Variants in BANP observed in about 807,000 individuals in gnomAD.
The protein encoded by BANP is BTG3 associated nuclear protein.
Under a neutral mutation model 68.1 loss-of-function variants are expected in BANP, and 11 were observed. The observed-to-expected ratio is 0.16, with a 90% CI of 0.10 to 0.27. The LOEUF is 0.27. BANP is among the 10% of genes least tolerant of loss of function. The pLI, the probability that BANP is intolerant of heterozygous loss-of-function variation, is 1.00. For missense variants in BANP, 504 were observed against 722.7 expected (o/e 0.70, Z 3.47); for synonymous variants, 329 against 303.2 (o/e 1.09, Z -0.88).
rs980022981 is a variant in BANP, at chr16:88,071,396, G to C, written c.1378-673G>C. 1 of 440,724 alleles carries C rather than the reference G, an allele frequency of 2.3e-6. No homozygotes were observed. The highest frequency in any genetic ancestry group is 4.6e-6 in the Non-Finnish European group (1 of 217,920). The allele number at this position is 440,724 out of a possible 1,614,324, so 27.3% of individuals were successfully genotyped here. A position where few individuals can be genotyped will look rare whatever the true frequency, so the allele number is the denominator to read the frequency against. On this transcript the variant is annotated intron_variant, in intron 12 of 13. Transcript: ENST00000682872. This position sits in a 1 kb window ranked among gnomAD's most constrained non-coding sequence, Gnocchi z 6.5. ...TGGGCCTGGGTGCTTACAGGCGATG[G>C]GGTCACCAGAGCCCACCCAGGGGCC...
intron 11 of BANP, among the ~76,000 whole-genome samples, chr16:88,062,837 AGG>A (rs2087240756): frequency 6.6e-6 from 1 of 152,206 alleles, no homozygotes; most frequent in Non-Finnish European, 1.5e-5. Context: ...CTACCCCTGA[AGG>A]CCTGCATCAG....
intron 1 of BANP, among the ~76,000 whole-genome samples, chr16:87,958,380 G>C (rs1336009802): frequency 6.6e-6 from 1 of 152,222 alleles, no homozygotes; most frequent in African/African-American, 2.4e-5. Flanking sequence ...TATCGACTCA[G>C]GAAACTTGCA....
At chr16:88,014,782 C>T (rs60055759) in intron 6 of BANP, among the ~76,000 whole-genome samples, 2,383 of 152,072 alleles carry the variant, frequency 0.016, 71 homozygotes, top group African/African-American at 0.054. Context: ...TGCTGCCTGC[C>T]TCGGGTCCTC....
intron 1 of BANP, among the ~76,000 whole-genome samples, chr16:87,965,925 C>T (rs12444244): frequency 0.09 from 13,643 of 152,106 alleles, 798 homozygotes; most frequent in Non-Finnish European, 0.13. Context: ...GGGGCTCGTG[C>T]AGTTGGAGCG....
intron 6 of BANP, among the ~76,000 whole-genome samples, chr16:88,010,766 C>G (rs1163601452): frequency 2.0e-5 from 3 of 152,218 alleles, no homozygotes; most frequent in Non-Finnish European, 2.9e-5. Context: ...GAACGTGTAG[C>G]CACGCTATGC....
At chr16:88,011,875 T>A (rs548804524) in intron 6 of BANP, among the ~76,000 whole-genome samples, 7 of 152,244 alleles carry the variant, frequency 4.6e-5, no homozygotes, top group African/African-American at 1.7e-4. Flanking sequence ...TCATTAAGCA[T>A]CCACTAGTAC....
At position 88,001,816 on chromosome 16, in the gene BANP, T is replaced by G. The variant is rs552793453; in HGVS notation, c.363-2479T>G. ...ATTTCATTTCCCTCACAAAATTTTA[T>G]CCTGTTAGCCTGGCTGTCGTATGCA... On this transcript the variant is annotated intron_variant, in intron 4 of 13. Coordinates refer to ENST00000682872, the MANE Select transcript of BANP (RefSeq NM_001386991.1). 4.6e-5 allele frequency among the ~76,000 whole-genome samples: 7 copies of G among 152,254 alleles called. No homozygotes were observed. In the East Asian group the frequency reaches 1.3e-3, roughly 29 times the overall value.
intron 4 of BANP, among the ~76,000 whole-genome samples, chr16:87,999,522 C>T (rs2068508007): frequency 4.6e-5 from 1 of 21,808 alleles, no homozygotes; most frequent in Non-Finnish European, 8.9e-5. Context: ...CTGGACTTAC[C>T]TGTCCTTCCA....
intron 11 of BANP, among the ~76,000 whole-genome samples, chr16:88,043,569 A>T (rs2081303303): frequency 6.6e-6 from 1 of 152,158 alleles, no homozygotes; most frequent in Non-Finnish European, 1.5e-5. Flanking sequence ...AGAAATTCGG[A>T]ATGATTTAGG....
chr16:87,956,067 G>A (rs2057988843), intron 1 of BANP, among the ~76,000 whole-genome samples: 1 of 152,154 alleles, frequency 6.6e-6, no homozygotes, highest in South Asian at 2.1e-4. Context: ...GCTGGGCAGT[G>A]GGCCTCAGTG....
chr16:88,023,376 C>G (rs571814833), intron 7 of BANP, among the ~76,000 whole-genome samples: 44 of 152,304 alleles, frequency 2.9e-4, no homozygotes, highest in African/African-American at 1.0e-3. Context: ...CCGGCTTGGC[C>G]TGGAGGCTGG....
In BANP at chr16:88,064,514, G is replaced by A. The variant is rs141947201; in HGVS notation, c.1312-753G>A. ...GCCTCCCACGGACAGATGCTCCCAGGATGCGGCTAGGCGTCCAGGCCAGCA... is the reference window on the plus strand; with the variant it reads ...GCCTCCCACGGACAGATGCTCCCAGAATGCGGCTAGGCGTCCAGGCCAGCA... On this transcript the variant is annotated intron_variant, in intron 11 of 13. Transcript: ENST00000682872. The surrounding 1 kb of genome is among the most constrained non-coding windows in gnomAD (Gnocchi z 4.5). 8.5e-5 allele frequency among the ~76,000 whole-genome samples: 13 copies of A among 152,382 alleles called. No homozygotes were observed. Among genetic ancestry groups the A allele is most frequent in the African/African-American group, 3.1e-4 (13 of 41,598 alleles).
At chr16:88,022,995 CCAGGACA>C (rs796093265) in intron 7 of BANP, among the ~76,000 whole-genome samples, 2 of 152,162 alleles carry the variant, frequency 1.3e-5, no homozygotes, top group South Asian at 4.1e-4. Flanking sequence ...ACTGTTCAGC[CCAGGACA>C]CAGGACACGG....
chr16:87,974,688 G>A (rs1016637228), intron 1 of BANP, among the ~76,000 whole-genome samples: 5 of 152,138 alleles, frequency 3.3e-5, no homozygotes, highest in African/African-American at 1.2e-4. Context: ...AGCAGGAAGC[G>A]ACAGAGCGTT....
At chr16:88,038,909 A>G (rs1409615218) in intron 11 of BANP, among the ~76,000 whole-genome samples, 1 of 152,222 alleles carries the variant, frequency 6.6e-6, no homozygotes, top group Non-Finnish European at 1.5e-5. Context: ...CTGCGTAGAA[A>G]GATAATACTA....
At chr16:88,048,827 C>T (rs947347677) in intron 11 of BANP, among the ~76,000 whole-genome samples, 5 of 151,906 alleles carry the variant, frequency 3.3e-5, no homozygotes, top group Non-Finnish European at 7.4e-5. Context: ...GAAAGGACAT[C>T]GATTCTAACA....
chr16:87,980,060 A>G (rs1856710198), intron 2 of BANP, among the ~76,000 whole-genome samples: 1 of 152,228 alleles, frequency 6.6e-6, no homozygotes, highest in South Asian at 2.1e-4. Flanking sequence ...TCCCACATGT[A>G]TGCCGTTTGT....
In BANP at chr16:88,050,700, T is replaced by G. The variant is rs529397216; in HGVS notation, c.1311+12689T>G. ...TTGGCTGTTTTTTCATTTTAATTTT[T>G]TGTTTTTAGAGACAGTCTCACTCTG... is the stretch of plus-strand genomic sequence containing the variant. On this transcript the variant is annotated intron_variant, in intron 11 of 13. Coordinates refer to ENST00000682872, the MANE Select transcript of BANP (RefSeq NM_001386991.1). Among the ~76,000 whole-genome samples the G allele has an allele frequency of 5.3e-5, 8 of 152,050 alleles. No individual in the cohort carries two copies. In the East Asian group the frequency reaches 1.6e-3, roughly 29 times the overall value.
intron 4 of BANP, among the ~76,000 whole-genome samples, chr16:88,001,038 GCGGC>G: frequency 1.8e-5 from 1 of 56,986 alleles, no homozygotes; most frequent in South Asian, 1.2e-3. Context: ...ACGCACGTGC[GCGGC>G]TGTACTTACC....
Sources: gnomAD v4.1 joint callset for allele counts (sites outside exome capture counted in the v4.1 genomes callset) on GRCh38, gnomAD v4.1.1 for gene constraint, Gnocchi (gnomAD v3.1) non-coding constraint, MANE v1.5 for transcripts, NCBI Gene and HGNC (gene_info 2026-07-23, HGNC 2026-07-21) for gene names.